Variants in SEMA6A observed in about 807,000 individuals in gnomAD.
The protein encoded by SEMA6A is semaphorin 6A.
Under a neutral mutation model 96.8 loss-of-function variants are expected in SEMA6A, and 25 were observed. The observed-to-expected ratio is 0.26, with a 90% CI of 0.19 to 0.36. The LOEUF (loss-of-function observed/expected upper bound fraction) is 0.36. Among genes scored for constraint, SEMA6A ranks in the 10% least tolerant of loss-of-function variants. SEMA6A has a pLI of 1.00. For synonymous variants in SEMA6A, 612 were observed against 518.0 expected (o/e 1.18, Z -2.46); for missense variants, 1,363 against 1,323.1 (o/e 1.03, Z -0.47).
At chr5:116,471,260 G>C (rs1391317155) in intron 17 of SEMA6A, 1 of 152,084 alleles carries the variant, frequency 6.6e-6, no homozygotes, top group African/African-American at 2.4e-5. Context: ...TAATAAGTAA[G>C]TACCTTTCCT....
At chr5:116,467,058 C>T (rs766822982) in intron 18 of SEMA6A, among the ~76,000 whole-genome samples, 1 of 152,108 alleles carries the variant, frequency 6.6e-6, no homozygotes, top group Non-Finnish European at 1.5e-5. Flanking sequence ...AGCTACTATC[C>T]TCTAAGGGCA....
intron 1 of SEMA6A, among the ~76,000 whole-genome samples, chr5:116,551,313 A>AGCATACAC: frequency 1.8e-5 from 1 of 54,742 alleles, no homozygotes; most frequent in Non-Finnish European, 5.2e-5. Context: ...TGATAGTCTT[A>AGCATACAC]GCATACACAC....
At chr5:116,522,966 C>T (rs922832024) in intron 1 of SEMA6A, among the ~76,000 whole-genome samples, 4 of 152,114 alleles carry the variant, frequency 2.6e-5, no homozygotes, top group Non-Finnish European at 5.9e-5. Context: ...AGGAGATTGA[C>T]TAAACTAGAG....
chr5:116,454,300 G>A (rs946379991), intron 18 of SEMA6A, among the ~76,000 whole-genome samples: 2 of 152,134 alleles, frequency 1.3e-5, no homozygotes, highest in Admixed American at 1.3e-4. Context: ...AAGCCCCGGA[G>A]TAGCATCCCC....
intron 18 of SEMA6A, among the ~76,000 whole-genome samples, chr5:116,461,070 G>T (rs1184754124): frequency 6.6e-6 from 1 of 151,974 alleles, no homozygotes; most frequent in East Asian, 1.9e-4. Context: ...AAATACTGAT[G>T]AACTAAATAT....
chr5:116,519,683 ACACACACACG>A (rs1482665418), intron 1 of SEMA6A, among the ~76,000 whole-genome samples: 5 of 149,548 alleles, frequency 3.3e-5, no homozygotes, highest in African/African-American at 7.7e-5. Flanking sequence ...ACACACACAC[ACACACACACG>A]CACACACATA....
intron 18 of SEMA6A, among the ~76,000 whole-genome samples, chr5:116,453,870 C>G (rs1277724433): frequency 1.3e-5 from 2 of 152,184 alleles, no homozygotes; most frequent in African/African-American, 4.8e-5. Context: ...TCTGTCCTAT[C>G]AAAATGTGAA....
At position 116,478,565 on chromosome 5, in the gene SEMA6A, C is replaced by A; in HGVS notation, c.1404G>T (p.Glu468Asp). ...ACTTTTCAGAGTTGTAAACACTCATCTCCTCCAGGAAAAGGCTGTCATTTA... is the reference window on the plus strand; with the variant it reads ...ACTTTTCAGAGTTGTAAACACTCATATCCTCCAGGAAAAGGCTGTCATTTA... ...GFLNDSLFLE[E>D]MSVYNSEKCS... is the part of the protein sequence containing the mutation. The change falls in exon 13 of 19, where the codon GAG becomes GAT. Residue 468 changes from glutamate (E) to aspartate (D), a missense_variant. Around this residue, in one of 2 missense-constraint regions of SEMA6A, gnomAD observed 883 missense variants for 763.6 expected, o/e 1.16. Transcript: ENST00000343348. 6.2e-7 allele frequency: 1 copy of A among 1,612,242 alleles called. No individual in the cohort carries two copies. Among genetic ancestry groups the A allele is most frequent in the Non-Finnish European group, 8.5e-7 (1 of 1,179,240 alleles).
At position 116,447,301 on chromosome 5, in the gene SEMA6A, T is replaced by G; in HGVS notation, c.2405A>C (p.Asp802Ala). 1 of 1,613,680 alleles carries G rather than the reference T, an allele frequency of 6.2e-7. No homozygotes were observed. The highest frequency in any genetic ancestry group is 8.5e-7 in the Non-Finnish European group (1 of 1,179,884). ...PPMGSPVIPT[D>A]LPLRASPSHI... ...GCTGGGGGAGGCCCGCAGGGGCAGGTCCGTGGGAATCACAGGGGAGCCCAT... is the reference window on the plus strand; with the variant it reads ...GCTGGGGGAGGCCCGCAGGGGCAGGGCCGTGGGAATCACAGGGGAGCCCAT... The change falls in exon 19 of 19, where the codon GAC becomes GCC. Residue 802 changes from aspartate to alanine, a missense_variant. Asp to Ala is a moderately radical substitution (Grantham distance 126). This residue lies in a region of SEMA6A where 883 missense variants were observed against 763.6 expected (regional missense o/e 1.16). Coordinates refer to ENST00000343348, the MANE Select transcript of SEMA6A (RefSeq NM_020796.5).
chr5:116,478,910 G>T (rs1756607149), intron 12 of SEMA6A, among the ~76,000 whole-genome samples, 192 bp from the exon 13 acceptor site: 1 of 146,184 alleles, frequency 6.8e-6, no homozygotes, highest in Non-Finnish European at 1.5e-5. Context: ...CTCCAAAGGG[G>T]AGGAAGGAGG....
chr5:116,561,436 G>A (rs1760815489), intron 1 of SEMA6A, among the ~76,000 whole-genome samples: 2 of 152,324 alleles, frequency 1.3e-5, no homozygotes, highest in South Asian at 4.1e-4. Flanking sequence ...CCAGGAAGGT[G>A]TGTTGAGCAC....
intron 1 of SEMA6A, among the ~76,000 whole-genome samples, chr5:116,529,911 C>T (rs1304943759): frequency 6.6e-6 from 1 of 151,936 alleles, no homozygotes; most frequent in African/African-American, 2.4e-5. Flanking sequence ...ACCTGGGTGA[C>T]GGGATCATTC....
chr5:116,495,997 G>T (rs2112748001), intron 5 of SEMA6A: 1 of 420,622 alleles, frequency 2.4e-6, no homozygotes, highest in South Asian at 2.5e-5. Context: ...ACTCTGGGCA[G>T]CCGGCTTTGT....
chr5:116,451,799 A>G (rs1754654419), intron 18 of SEMA6A, among the ~76,000 whole-genome samples: 1 of 152,236 alleles, frequency 6.6e-6, no homozygotes, highest in Admixed American at 6.5e-5. Flanking sequence ...AGTAGCATCT[A>G]TCAGACAAAC....
At position 116,539,590 on chromosome 5, in the gene SEMA6A, C is replaced by CGTGTGTGTGTGT. The variant is rs138539399; in HGVS notation, c.-39+34583_-39+34594dup. 2.0e-3 allele frequency among the ~76,000 whole-genome samples: 291 copies of CGTGTGTGTGTGT among 144,944 alleles called. 1 individual carries two copies. Among genetic ancestry groups the CGTGTGTGTGTGT allele is most frequent in the African/African-American group, 7.1e-3 (279 of 39,110 alleles). ...TGCAATACATTTTAATAATTCTGTG[C>CGTGTGTGTGTGT]GTGTGTGTGTGTGTGTGTGTGTGTG... is the stretch of plus-strand genomic sequence containing the variant. On this transcript the variant is annotated intron_variant, in intron 1 of 18. Coordinates refer to ENST00000343348, the MANE Select transcript of SEMA6A (RefSeq NM_020796.5).
chr5:116,518,550 A>G (rs10039004), intron 1 of SEMA6A, among the ~76,000 whole-genome samples: 11,371 of 152,294 alleles, frequency 0.075, 484 homozygotes, highest in Admixed American at 0.11. Flanking sequence ...AAACCAAACT[A>G]AAGTGCTGAG....
chr5:116,570,238 A>C (rs1406869789), intron 1 of SEMA6A, among the ~76,000 whole-genome samples: 1 of 152,220 alleles, frequency 6.6e-6, no homozygotes, highest in Non-Finnish European at 1.5e-5. Flanking sequence ...CCAGCAGAGA[A>C]TAGCTCAGTT....
intron 1 of SEMA6A, among the ~76,000 whole-genome samples, chr5:116,519,976 C>T (rs1758859467): frequency 1.3e-5 from 2 of 152,142 alleles, no homozygotes; most frequent in African/African-American, 2.4e-5. Flanking sequence ...CATGTTATGT[C>T]CTCCCTTCCA....
chr5:116,469,366 G>A (rs1370645419), intron 17 of SEMA6A: 1 of 152,210 alleles, frequency 6.6e-6, no homozygotes, highest in South Asian at 2.1e-4. Context: ...GAGAACAGGG[G>A]AAGGAAAATC....
Sources: gnomAD v4.1 joint callset for allele counts (sites outside exome capture counted in the v4.1 genomes callset) on GRCh38, gnomAD v4.1.1 for gene constraint, gnomAD v4.1.1 regional missense constraint, MANE v1.5 for transcripts, NCBI Gene and HGNC (gene_info 2026-07-23, HGNC 2026-07-21) for gene names.